PIGN: variants seen among roughly 807,000 people sequenced by gnomAD.
PIGN encodes the protein phosphatidylinositol glycan anchor biosynthesis class N.
Under a neutral mutation model 125.4 loss-of-function variants are expected in PIGN, and 117 were observed. That is an observed-to-expected ratio of 0.93 (90% CI 0.80 to 1.09). The LOEUF is 1.09. PIGN is among the 50% of genes least tolerant of loss of function. PIGN has a pLI of 0.00. For missense variants in PIGN, 1,075 were observed against 1,094.9 expected, an observed-to-expected ratio of 0.98 and a Z score of 0.26; for synonymous variants, 392 against 377.8, an observed-to-expected ratio of 1.04 and a Z score of -0.44.
intron 30 of PIGN, 126 bp from the exon 31 acceptor site, chr18:62,046,105 T>G: frequency 2.2e-6 from 2 of 915,792 alleles, no homozygotes; most frequent in Non-Finnish European, 3.3e-6. Context: ...GTGGGTGTTC[T>G]TTACCTTATT....
chr18:62,062,479 T>G (rs1007697946), intron 30 of PIGN, among the ~76,000 whole-genome samples: 1 of 152,208 alleles, frequency 6.6e-6, no homozygotes, highest in Non-Finnish European at 1.5e-5. Context: ...AGGTTTAACA[T>G]AACTTATTAA....
intron 5 of PIGN, 48 bp from the exon 6 acceptor site, chr18:62,157,275 A>T (rs2036772683): frequency 6.6e-6 from 6 of 902,974 alleles, no homozygotes; most frequent in Non-Finnish European, 1.1e-5. Flanking sequence ...ATGGTACAAT[A>T]AGCCCCTAAA....
chr18:62,072,346 C>T (rs1163085707), intron 30 of PIGN: 2 of 178,164 alleles, frequency 1.1e-5, no homozygotes, highest in South Asian at 3.9e-4. Flanking sequence ...GTCCTGCAAG[C>T]TCCATTCATG....
intron 28 of PIGN, chr18:62,075,493 G>A (rs1167456287): frequency 6.6e-6 from 1 of 152,172 alleles, no homozygotes; most frequent in Non-Finnish European, 1.5e-5. Flanking sequence ...ATTTTCTCAA[G>A]AATCATCCAA....
chr18:62,095,705 CAT>C, intron 23 of PIGN, 141 bp downstream of exon 23: 1 of 580,304 alleles, frequency 1.7e-6, no homozygotes, highest in South Asian at 2.4e-5. Context: ...ATACAGTTCT[CAT>C]AGAGAAGAAA....
Position 62,030,776 on chromosome 18 carries a change from GTGTGGCACTGCA to G in PIGN, c.2143-13047_2143-13036del, listed in dbSNP as rs113211283. ...AAAAGATCATGATCTTCTCACCACT[GTGTGGCACTGCA>G]TGTGCCTTTGGGGATTTCTAAGTAC... On this transcript the variant is annotated intron_variant, in intron 23 of 24. Coordinates refer to the PIGN transcript ENST00000639600. 4.4e-3 allele frequency among the ~76,000 whole-genome samples: 674 copies of G among 152,332 alleles called. 8 individuals are homozygous for G. The highest frequency in any genetic ancestry group is 0.016 in the African/African-American group (645 of 41,584).
chr18:62,082,671 A>G lies in PIGN; in HGVS notation c.2576+2T>C. 6.7e-7 allele frequency: 1 copy of G among 1,497,284 alleles called. No individual in the cohort carries two copies. Among genetic ancestry groups the G allele is most frequent in the Middle Eastern group, 1.7e-4 (1 of 5,828 alleles). 92.7% of individuals were successfully genotyped at this position (1,497,284 alleles called of 1,614,324 possible). ...AATGTTTCTTAAACTAATTCATCTT[A>G]CCTTTTTGACGATAACTGAGTAGTC... On this transcript the variant is annotated splice_donor_variant, in intron 28 of 30. Coordinates refer to ENST00000640252, the MANE Select transcript of PIGN (RefSeq NM_176787.5). LOFTEE classifies it high-confidence loss of function.
At chr18:62,061,236 T>C (rs2032104257) in intron 30 of PIGN, among the ~76,000 whole-genome samples, 1 of 152,102 alleles carries the variant, frequency 6.6e-6, no homozygotes, top group South Asian at 2.1e-4. Flanking sequence ...GAAACTATAC[T>C]TATTAACCTG....
At chr18:62,083,846 C>A (rs1040716169) in intron 27 of PIGN, among the ~76,000 whole-genome samples, 1 of 152,040 alleles carries the variant, frequency 6.6e-6, no homozygotes, top group Non-Finnish European at 1.5e-5. Flanking sequence ...GACATTAATC[C>A]TATTAAGATG....
intron 10 of PIGN, 76 bp downstream of exon 10, chr18:62,145,833 G>A (rs2036306509): frequency 1.4e-6 from 1 of 735,348 alleles, no homozygotes; most frequent in South Asian, 1.7e-5. Flanking sequence ...AATTTGAAGA[G>A]TGATTTCTTA....
intron 14 of PIGN, among the ~76,000 whole-genome samples, chr18:62,129,709 C>T (rs951657310): frequency 7.9e-5 from 12 of 152,044 alleles, no homozygotes; most frequent in Admixed American, 2.0e-4. Flanking sequence ...CAGTATAGTG[C>T]CTGGGACACA....
intron 23 of PIGN, among the ~76,000 whole-genome samples, chr18:62,018,398 C>T (rs1286818855): frequency 6.6e-6 from 1 of 152,236 alleles, no homozygotes; most frequent in Non-Finnish European, 1.5e-5. Flanking sequence ...ATCATTGCCT[C>T]CTTCACTTTC....
intron 30 of PIGN, among the ~76,000 whole-genome samples, chr18:62,050,560 G>C (rs970784645): frequency 3.6e-4 from 55 of 151,092 alleles, no homozygotes; most frequent in Non-Finnish European, 7.0e-4. Flanking sequence ...TGTATCCTGA[G>C]ACTTTGCTGA....
intron 7 of PIGN, 120 bp from the exon 8 acceptor site, chr18:62,148,458 A>G: frequency 1.5e-6 from 1 of 646,026 alleles, no homozygotes; most frequent in Non-Finnish European, 2.4e-6. Context: ...CGTTGTTTAA[A>G]TCTGTGCTCA....
In PIGN at chr18:62,044,176, A is replaced by G. The variant is rs2030496435; in HGVS notation, c.*1680T>C. On this transcript the variant is annotated 3_prime_UTR_variant, in exon 31 of 31. Transcript: ENST00000640252. ...CTGAAAGGACAAAATTAAGAAAAAG[A>G]TATGCCTCAAAGAGCAAAATAAAGA... The G allele has an allele frequency of 1.3e-5, 2 of 152,242 alleles. No individual in the cohort carries two copies. The highest frequency in any genetic ancestry group is 2.9e-5 in the Non-Finnish European group (2 of 68,044). The allele number at this position is 152,242 out of a possible 1,614,324, so 9.4% of individuals were successfully genotyped here. A position where few individuals can be genotyped will look rare whatever the true frequency, so the allele number is the denominator to read the frequency against.
chr18:62,112,206 G>A (rs1327003898), intron 16 of PIGN, among the ~76,000 whole-genome samples: 1 of 151,986 alleles, frequency 6.6e-6, no homozygotes, highest in Non-Finnish European at 1.5e-5. Flanking sequence ...AAAATTACTT[G>A]GGGGAAATTA....
At chr18:62,129,024 T>A (rs2035636509) in intron 14 of PIGN, among the ~76,000 whole-genome samples, 1 of 152,094 alleles carries the variant, frequency 6.6e-6, no homozygotes, top group African/African-American at 2.4e-5. Flanking sequence ...GGAAAGCACT[T>A]TCTATTAGCT....
At chr18:62,155,343 G>A (rs549344949) in intron 6 of PIGN, among the ~76,000 whole-genome samples, 1 of 152,264 alleles carries the variant, frequency 6.6e-6, no homozygotes, top group African/African-American at 2.4e-5. Context: ...GAGGCAGGTG[G>A]ATCACCGGAG....
chr18:62,112,462 T>C (rs537073584), intron 16 of PIGN: 1 of 152,112 alleles, frequency 6.6e-6, no homozygotes, highest in Non-Finnish European at 1.5e-5. Flanking sequence ...GTTAGAAATA[T>C]ATTTTAAAAG....
Sources: gnomAD v4.1 joint callset for allele counts (sites outside exome capture counted in the v4.1 genomes callset) on GRCh38, gnomAD v4.1.1 for gene constraint, MANE v1.5 for transcripts, NCBI Gene and HGNC (gene_info 2026-07-23, HGNC 2026-07-21) for gene names.